PARD3: variants seen among roughly 807,000 people sequenced by gnomAD.
PARD3 encodes the protein partitioning defective 3 homolog.
A neutral mutation model predicts 155.4 loss-of-function variants in PARD3; 75 were observed. That is an observed-to-expected ratio of 0.48 (90% CI 0.40 to 0.58). The LOEUF (loss-of-function observed/expected upper bound fraction) is 0.58. Among genes scored for constraint, PARD3 ranks in the 20% least tolerant of loss-of-function variants. PARD3 has a pLI of 0.00. For synonymous variants in PARD3, 576 were observed against 610.5 expected (o/e 0.94, Z 0.83); for missense variants, 1,642 against 1,721.7 (o/e 0.95, Z 0.82).
intron 22 of PARD3, among the ~76,000 whole-genome samples, chr10:34,254,897 ACTCTGGGCTTGTG>A (rs1461889644): frequency 2.0e-5 from 3 of 152,096 alleles, no homozygotes; most frequent in Non-Finnish European, 4.4e-5. Flanking sequence ...GTGTACAAGA[ACTCTGGGCTTGTG>A]CAAAGACTTT....
At chr10:34,296,487 C>T (rs532279667) in intron 20 of PARD3, among the ~76,000 whole-genome samples, 1 of 152,258 alleles carries the variant, frequency 6.6e-6, no homozygotes, top group East Asian at 1.9e-4. Context: ...TCTCGGCCTC[C>T]CAAAGTGCTT....
intron 2 of PARD3, among the ~76,000 whole-genome samples, chr10:34,664,863 G>A (rs748090188): frequency 1.2e-4 from 19 of 152,198 alleles, no homozygotes; most frequent in African/African-American, 1.9e-4. Flanking sequence ...GGTGTGTGCC[G>A]GACAGGTCTT....
chr10:34,770,046 T>G (rs1749314984), intron 1 of PARD3, among the ~76,000 whole-genome samples: 1 of 152,122 alleles, frequency 6.6e-6, no homozygotes, highest in African/African-American at 2.4e-5. Context: ...CCCAATGACT[T>G]CCTCAGTATT....
intron 2 of PARD3, among the ~76,000 whole-genome samples, chr10:34,670,118 G>A (rs537721885): frequency 5.3e-5 from 8 of 152,316 alleles, no homozygotes; most frequent in African/African-American, 1.2e-4. Context: ...TGGCTTATCC[G>A]TGCTCTTATC....
chr10:34,126,295 G>A (rs1016272540), intron 23 of PARD3, among the ~76,000 whole-genome samples: 5 of 152,174 alleles, frequency 3.3e-5, no homozygotes, highest in Admixed American at 2.6e-4. Context: ...TGTACTGCTA[G>A]AGCTTATAGA....
At chr10:34,160,090 G>C (rs1949204065) in intron 22 of PARD3, among the ~76,000 whole-genome samples, 1 of 152,162 alleles carries the variant, frequency 6.6e-6, no homozygotes, top group Non-Finnish European at 1.5e-5. Flanking sequence ...TAACATTTTG[G>C]AGTTATTTAA....
intron 7 of PARD3, among the ~76,000 whole-genome samples, chr10:34,398,584 C>G (rs1843579630): frequency 6.6e-6 from 1 of 152,202 alleles, no homozygotes; most frequent in Non-Finnish European, 1.5e-5. Flanking sequence ...CAAGTTCAGA[C>G]TCATGGGAAA....
chr10:34,386,788 C>T (rs1397754012), intron 7 of PARD3, among the ~76,000 whole-genome samples: 2 of 149,536 alleles, frequency 1.3e-5, no homozygotes, highest in Non-Finnish European at 3.0e-5. Flanking sequence ...CGCCACTGCA[C>T]TCCAGCCTGG....
At chr10:34,362,438 A>G (rs1019982633) in intron 12 of PARD3, among the ~76,000 whole-genome samples, 3 of 152,258 alleles carry the variant, frequency 2.0e-5, no homozygotes, top group Admixed American at 6.5e-5. Context: ...GCTTTGCTCT[A>G]TAAACATGAA....
chr10:34,409,607 G>A (rs931980643), intron 5 of PARD3, among the ~76,000 whole-genome samples: 3 of 152,264 alleles, frequency 2.0e-5, no homozygotes, highest in East Asian at 1.9e-4. Flanking sequence ...CACTGGCACC[G>A]CTTGTTTTGC....
chr10:34,687,519 C>T (rs537106781), intron 2 of PARD3, among the ~76,000 whole-genome samples: 111 of 152,166 alleles, frequency 7.3e-4, no homozygotes, highest in Non-Finnish European at 1.2e-3. Flanking sequence ...TCAGCATAAA[C>T]GTGCAAACTC....
chr10:34,713,216 A>AT (rs1458811211), intron 1 of PARD3, among the ~76,000 whole-genome samples: 4 of 142,398 alleles, frequency 2.8e-5, no homozygotes, highest in Admixed American at 7.1e-5. Context: ...CATCTCAAAA[A>AT]TAAATTAATT....
At chr10:34,486,029 T>A (rs1381474456) in intron 3 of PARD3, among the ~76,000 whole-genome samples, 2 of 146,482 alleles carry the variant, frequency 1.4e-5, no homozygotes, top group Non-Finnish European at 3.0e-5. Context: ...GCTCACACGA[T>A]CCTCCTGCCT....
intron 3 of PARD3, among the ~76,000 whole-genome samples, chr10:34,485,091 A>T (rs543519225): frequency 6.6e-6 from 1 of 152,280 alleles, no homozygotes; most frequent in Admixed American, 6.5e-5. Context: ...TAATCCCAAC[A>T]CTTTGGGAGG....
intron 2 of PARD3, among the ~76,000 whole-genome samples, chr10:34,560,449 G>A (rs1776677419): frequency 2.6e-5 from 4 of 151,150 alleles, no homozygotes; most frequent in South Asian, 4.2e-4. Flanking sequence ...TACATGTGAA[G>A]GACTTGATGA....
At chr10:34,495,185 A>C (rs1299972707) in intron 3 of PARD3, among the ~76,000 whole-genome samples, 1 of 151,998 alleles carries the variant, frequency 6.6e-6, no homozygotes, top group Non-Finnish European at 1.5e-5. Flanking sequence ...AAAAAAAACA[A>C]ACAAAAACCC....
At chr10:34,244,334 A>T (rs1256593971) in intron 22 of PARD3, among the ~76,000 whole-genome samples, 3 of 152,244 alleles carry the variant, frequency 2.0e-5, no homozygotes, top group Non-Finnish European at 2.9e-5. Flanking sequence ...TTTAAAGGAA[A>T]TCAGCAAAAT....
intron 2 of PARD3, among the ~76,000 whole-genome samples, chr10:34,517,625 GAC>G (rs778324221): frequency 1.2e-3 from 184 of 152,164 alleles, no homozygotes; most frequent in Middle Eastern, 3.4e-3. Context: ...ACATGCTAAA[GAC>G]AAACCTGTCA....
intron 1 of PARD3, among the ~76,000 whole-genome samples, chr10:34,793,208 A>C (rs542600556): frequency 6.6e-5 from 10 of 152,280 alleles, no homozygotes; most frequent in South Asian, 4.2e-4. Context: ...CAGATGAAAA[A>C]ATGGGAGAGC....
Sources: gnomAD v4.1 joint callset for allele counts (sites outside exome capture counted in the v4.1 genomes callset) on GRCh38, gnomAD v4.1.1 for gene constraint, MANE v1.5 for transcripts, NCBI Gene and HGNC (gene_info 2026-07-23, HGNC 2026-07-21) for gene names.